Variants in TRHDE observed in about 807,000 individuals in gnomAD.
The protein encoded by TRHDE is thyrotropin-releasing hormone-degrading ectoenzyme.
Under a neutral mutation model 125.7 loss-of-function variants are expected in TRHDE, and 72 were observed. The observed-to-expected ratio is 0.57, with a 90% CI of 0.47 to 0.70. TRHDE has a LOEUF of 0.70. Among genes scored for constraint, TRHDE ranks in the 30% least tolerant of loss-of-function variants. The pLI is 0.00. For synonymous variants in TRHDE, 509 were observed against 509.1 expected (o/e 1.00, Z 0.00); for missense variants, 1,110 against 1,327.1 (o/e 0.84, Z 2.54).
intron 3 of TRHDE, among the ~76,000 whole-genome samples, chr12:72,464,310 A>G (rs886498112): frequency 2.6e-5 from 4 of 152,200 alleles, no homozygotes; most frequent in African/African-American, 4.8e-5. Flanking sequence ...GAGACTGGGT[A>G]ATTTACAGAT....
rs1354744042 is a variant in TRHDE at position 72,668,464 on chromosome 12, C to T, written c.*5269C>T. 1.3e-5 allele frequency: 2 copies of T among 151,592 alleles called. No individual in the cohort carries two copies. Among genetic ancestry groups the T allele is most frequent in the African/African-American group, 2.4e-5 (1 of 41,366 alleles). 9.4% of individuals were successfully genotyped at this position (151,592 alleles called of 1,614,324 possible). On this transcript the variant is annotated 3_prime_UTR_variant, in exon 19 of 19. Coordinates refer to ENST00000261180, the MANE Select transcript of TRHDE (RefSeq NM_013381.3). ...TTAATGGCCTTTATTTCAAATACTT[C>T]GTACTTTAGGGATAGTATTTTGAAG...
At chr12:72,551,809 A>G (rs1336957248) in intron 7 of TRHDE, among the ~76,000 whole-genome samples, 2 of 152,092 alleles carry the variant, frequency 1.3e-5, no homozygotes, top group Non-Finnish European at 2.9e-5. Flanking sequence ...GGAAGCAAAA[A>G]ATAGGATGCT....
intron 2 of TRHDE, among the ~76,000 whole-genome samples, chr12:72,185,680 C>A (rs1482399848): frequency 6.7e-6 from 1 of 149,840 alleles, no homozygotes; most frequent in African/African-American, 2.5e-5. Context: ...ATTGTAAATA[C>A]ACCAATCAGC....
chr12:72,125,967 G>A (rs111591457), intron 2 of TRHDE, among the ~76,000 whole-genome samples: 15 of 152,300 alleles, frequency 9.8e-5, no homozygotes, highest in African/African-American at 3.4e-4. Flanking sequence ...GAGTATTAGA[G>A]AGGAGTGAGC....
intron 12 of TRHDE, among the ~76,000 whole-genome samples, chr12:72,577,722 T>A (rs974975318): frequency 6.6e-6 from 1 of 152,186 alleles, no homozygotes; most frequent in African/African-American, 2.4e-5. Context: ...TTTTAGTGGA[T>A]AAATTTCTTT....
intron 2 of TRHDE, among the ~76,000 whole-genome samples, chr12:72,325,930 T>G (rs1229800049): frequency 6.6e-6 from 1 of 152,158 alleles, no homozygotes; most frequent in Non-Finnish European, 1.5e-5. Flanking sequence ...GTGTATTCAC[T>G]CAAATAACTT....
At chr12:72,211,047 C>T (rs914349387) in intron 2 of TRHDE, among the ~76,000 whole-genome samples, 3 of 152,170 alleles carry the variant, frequency 2.0e-5, no homozygotes, top group African/African-American at 7.2e-5. Flanking sequence ...AGACCTGACT[C>T]CTGTATTTGT....
At chr12:72,437,326 G>T (rs1013407125) in intron 3 of TRHDE, among the ~76,000 whole-genome samples, 3 of 151,718 alleles carry the variant, frequency 2.0e-5, no homozygotes, top group African/African-American at 7.3e-5. Context: ...TGAATTCAAA[G>T]TTCATCCCTC....
chr12:72,518,453 G>C (rs1439070086), intron 6 of TRHDE, among the ~76,000 whole-genome samples: 1 of 151,902 alleles, frequency 6.6e-6, no homozygotes, highest in Non-Finnish European at 1.5e-5. Context: ...TTTTATCAGA[G>C]ACTAGGATTG....
At chr12:72,274,788 G>C (rs1165783866) in intron 1 of TRHDE, 1 of 152,104 alleles carries the variant, frequency 6.6e-6, no homozygotes, top group South Asian at 2.1e-4. Context: ...TGGTGTAGAC[G>C]TCTATGAGTG....
chr12:72,491,230 C>T (rs1460473365), intron 5 of TRHDE, among the ~76,000 whole-genome samples: 1 of 151,810 alleles, frequency 6.6e-6, no homozygotes, highest in Non-Finnish European at 1.5e-5. Flanking sequence ...TATGAAAGCA[C>T]ATGGCATATG....
chr12:72,353,817 C>T (rs757042211), intron 2 of TRHDE, among the ~76,000 whole-genome samples: 1 of 151,526 alleles, frequency 6.6e-6, no homozygotes, highest in African/African-American at 2.4e-5. Flanking sequence ...CAAGGGGAGA[C>T]CTCTTCTACT....
intron 2 of TRHDE, among the ~76,000 whole-genome samples, chr12:72,191,065 C>CTT (rs1445788330): frequency 6.6e-6 from 1 of 152,180 alleles, no homozygotes; most frequent in Non-Finnish European, 1.5e-5. Flanking sequence ...TTCTATACAA[C>CTT]ATTGAGCCAG....
intron 15 of TRHDE, among the ~76,000 whole-genome samples, chr12:72,632,146 G>A (rs1448436973): frequency 6.6e-6 from 1 of 151,926 alleles, no homozygotes; most frequent in East Asian, 1.9e-4. Context: ...ATTTGAATGA[G>A]GACAGTGCTT....
At chr12:72,226,662 GA>G (rs539871807) in intron 2 of TRHDE, among the ~76,000 whole-genome samples, 21 of 152,240 alleles carry the variant, frequency 1.4e-4, no homozygotes, top group Admixed American at 8.5e-4. Context: ...CTGCAATGAA[GA>G]ATACACTAAA....
intron 15 of TRHDE, among the ~76,000 whole-genome samples, chr12:72,635,529 G>A (rs1264456641): frequency 5.3e-5 from 8 of 152,090 alleles, no homozygotes; most frequent in Non-Finnish European, 1.2e-4. Context: ...TGTCAATTGT[G>A]GCTTTTGTTG....
chr12:72,296,745 A>C (rs770611683), intron 2 of TRHDE, among the ~76,000 whole-genome samples: 3 of 152,182 alleles, frequency 2.0e-5, no homozygotes, highest in Non-Finnish European at 4.4e-5. Context: ...GAGTTTAAGA[A>C]GTTAAAAAGA....
intron 13 of TRHDE, among the ~76,000 whole-genome samples, chr12:72,620,472 G>A (rs967003052): frequency 2.6e-5 from 4 of 151,878 alleles, no homozygotes; most frequent in African/African-American, 7.3e-5. Flanking sequence ...GCAGTGAGCC[G>A]TGGTTGTTGC....
intron 2 of TRHDE, among the ~76,000 whole-genome samples, chr12:72,340,199 T>C (rs1266779467): frequency 1.3e-5 from 2 of 152,148 alleles, no homozygotes; most frequent in African/African-American, 2.4e-5. Flanking sequence ...GAAGTCATGA[T>C]TGATGATCTG....
Sources: allele counts gnomAD v4.1 joint callset (sites outside exome capture counted in the v4.1 genomes callset), GRCh38; gene constraint gnomAD v4.1.1; transcripts MANE v1.5; gene names NCBI Gene and HGNC (gene_info 2026-07-23, HGNC 2026-07-21).